The following BCCIP variants were observed in gnomAD, a reference collection of about 807,000 sequenced individuals.
The protein encoded by BCCIP is BRCA2 and CDKN1A interacting protein.
BCCIP carries 23 observed loss-of-function variants against 32.8 expected under a neutral mutation model. The observed-to-expected ratio is 0.70, with a 90% CI of 0.51 to 0.99. The LOEUF is 0.99. Among genes scored for constraint, BCCIP ranks in the 50% least tolerant of loss-of-function variants. The pLI is 0.00. For synonymous variants in BCCIP, 144 were observed against 137.6 expected, an observed-to-expected ratio of 1.05 and a Z score of -0.33; for missense variants, 378 against 379.8, an observed-to-expected ratio of 1.00 and a Z score of 0.04.
chr10:125,853,301 C>T (rs1944115948), exon 8 of BCCIP: 3 of 976,268 alleles, frequency 3.1e-6, no homozygotes, highest in Non-Finnish European at 4.4e-6. Flanking sequence ...CATCTCGGCA[C>T]CTAGTAATGG....
At chr10:125,852,352 A>G in intron 7 of BCCIP, 5 of 1,614,234 alleles carry the variant, frequency 3.1e-6, no homozygotes, top group Non-Finnish European at 4.2e-6. Context: ...CTTCATAAAA[A>G]GCACCATGCT....
Position 125,836,378 on chromosome 10 carries a change from A to G in BCCIP, c.*104A>G, listed in dbSNP as rs1564820805. ...GACTTTATTCAGATTAAGTTCCTCT[A>G]CAAAAAGTAGGGTTCTGTCCCATGT... On this transcript the variant is annotated 3_prime_UTR_variant, in exon 7 of 7. Transcript: ENST00000278100. The G allele has an allele frequency of 6.4e-7, 1 of 1,565,310 alleles. No homozygotes were observed. Among genetic ancestry groups the G allele is most frequent in the African/African-American group, 1.4e-5 (1 of 72,582 alleles).
At chr10:125,842,221 A>G (rs1423428757) in exon 7 of BCCIP, 3 of 359,990 alleles carry the variant, frequency 8.3e-6, no homozygotes, top group Non-Finnish European at 1.5e-5. Flanking sequence ...CTGCAGTAGG[A>G]AAACAATGCC....
chr10:125,836,797 C>T, downstream of BCCIP: 3 of 1,614,124 alleles, frequency 1.9e-6, no homozygotes, highest in Non-Finnish European at 2.5e-6. Context: ...TGTAGAATGT[C>T]CTTACTTTCA....
exon 7 of BCCIP, chr10:125,841,937 A>G: frequency 6.3e-7 from 1 of 1,581,024 alleles, no homozygotes. Context: ...TTCTGGTGCT[A>G]GGAAAGGAAA....
At chr10:125,846,974 T>G (rs981313252), downstream of BCCIP, among the ~76,000 whole-genome samples, 15 of 152,190 alleles carry the variant, frequency 9.9e-5, no homozygotes, top group Non-Finnish European at 1.6e-4. Flanking sequence ...TATACACATT[T>G]ATATCAATGG....
intron 7 of BCCIP, among the ~76,000 whole-genome samples, chr10:125,849,017 A>G (rs1378630444): frequency 6.6e-6 from 1 of 152,176 alleles, no homozygotes; most frequent in Non-Finnish European, 1.5e-5. Context: ...TAGTCCCCTC[A>G]ATATGGGGAC....
chr10:125,838,988 C>G (rs749399718), downstream of BCCIP: 10 of 1,610,982 alleles, frequency 6.2e-6, no homozygotes, highest in Non-Finnish European at 8.5e-6. Flanking sequence ...GAGGTGACCC[C>G]ACCCCTTCTC....
chr10:125,837,529 G>T (rs1854732576), downstream of BCCIP, among the ~76,000 whole-genome samples: 1 of 152,182 alleles, frequency 6.6e-6, no homozygotes, highest in Admixed American at 6.5e-5. Flanking sequence ...CTGGGCTCAA[G>T]CGATCCTCTG....
rs1043354216 is a variant in BCCIP at position 125,830,566 on chromosome 10, C to T, written c.326C>T (p.Thr109Met). Residue 109 changes from threonine to methionine, a missense_variant, in exon 4 of 7, where the codon ACG becomes ATG. Transcript: ENST00000278100. ...ATATTTTTTCTTTTAAAATAGCAAA[C>T]GGATGTTTCAGAAGACAGCAATGAT... is the stretch of plus-strand genomic sequence containing the variant. ...QNHIGSVIKQ[T>M]DVSEDSNDDM... The T allele has an allele frequency of 1.3e-5, 20 of 1,583,336 alleles. No individual in the cohort carries two copies. Among genetic ancestry groups the T allele is most frequent in the Admixed American group, 3.5e-5 (2 of 56,962 alleles).
chr10:125,845,507 GT>G (rs1944006360), downstream of BCCIP, among the ~76,000 whole-genome samples: 1 of 152,196 alleles, frequency 6.6e-6, no homozygotes, highest in African/African-American at 2.4e-5. Flanking sequence ...CTTGTCTAAA[GT>G]GGACATGTAT....
At chr10:125,830,017 T>G (rs1379298836) in intron 3 of BCCIP, among the ~76,000 whole-genome samples, 2 of 152,138 alleles carry the variant, frequency 1.3e-5, no homozygotes, top group African/African-American at 4.8e-5. Flanking sequence ...GGGGTTCTCT[T>G]TTTTCCCCTT....
At chr10:125,838,393 A>G, downstream of BCCIP, 1 of 1,558,492 alleles carries the variant, frequency 6.4e-7, no homozygotes, top group Non-Finnish European at 8.6e-7. Flanking sequence ...GCAATCTGAA[A>G]GGCAGAATTT....
chr10:125,829,007 G>C (rs142757339), intron 3 of BCCIP, among the ~76,000 whole-genome samples: 4 of 152,312 alleles, frequency 2.6e-5, no homozygotes, highest in African/African-American at 9.6e-5. Context: ...GAAGCAGGCA[G>C]AAGTGATATA....
intron 1 of BCCIP, among the ~76,000 whole-genome samples, chr10:125,824,621 C>A (rs1329043698): frequency 6.6e-6 from 1 of 152,234 alleles, no homozygotes; most frequent in Non-Finnish European, 1.5e-5. Context: ...CTGAGACCAT[C>A]GTAGTCCACA....
At chr10:125,824,929 A>G (rs1347949043) in intron 1 of BCCIP, among the ~76,000 whole-genome samples, 1 of 152,274 alleles carries the variant, frequency 6.6e-6, no homozygotes, top group African/African-American at 2.4e-5. Context: ...CATGATGAGC[A>G]TGGAGGGGAG....
chr10:125,831,732 TGA>T, intron 5 of BCCIP, 125 bp downstream of exon 5: 1 of 878,206 alleles, frequency 1.1e-6, no homozygotes, highest in Non-Finnish European at 1.7e-6. Context: ...GGGTTTAGTG[TGA>T]GGGGAGTGGA....
intron 1 of BCCIP, chr10:125,826,224 C>T (rs1854386112): frequency 4.0e-6 from 1 of 250,924 alleles, no homozygotes; most frequent in African/African-American, 2.4e-5. Context: ...GTGCTTGGTA[C>T]CTGGATTGAT....
chr10:125,836,582 C>T (rs1034481427), downstream of BCCIP: 4 of 1,434,794 alleles, frequency 2.8e-6, no homozygotes, highest in South Asian at 2.9e-5. Context: ...TCAAGACCGT[C>T]CTGTGGATGT....
Sources: gnomAD v4.1 joint callset for allele counts (sites outside exome capture counted in the v4.1 genomes callset) on GRCh38, gnomAD v4.1.1 for gene constraint, MANE v1.5 for transcripts, NCBI Gene and HGNC (gene_info 2026-07-23, HGNC 2026-07-21) for gene names.